PGGT1B: variants seen among roughly 807,000 people sequenced by gnomAD.
PGGT1B encodes geranylgeranyl transferase type-1 subunit beta.
PGGT1B carries 30 observed loss-of-function variants against 46.1 expected under a neutral mutation model. That is an observed-to-expected ratio of 0.65 (90% CI 0.49 to 0.88). The LOEUF (loss-of-function observed/expected upper bound fraction) is 0.88. Among genes scored for constraint, PGGT1B ranks in the 40% least tolerant of loss-of-function variants. PGGT1B has a pLI of 0.00. For synonymous variants in PGGT1B, 170 were observed against 160.0 expected, an observed-to-expected ratio of 1.06 and a Z score of -0.47; for missense variants, 376 against 455.9, an observed-to-expected ratio of 0.82 and a Z score of 1.60.
chr5:115,212,324 A>G lies in PGGT1B; in HGVS notation c.*78T>C. 1.3e-6 allele frequency: 2 copies of G among 1,590,142 alleles called. No homozygotes were observed. On this transcript the variant is annotated 3_prime_UTR_variant, in exon 9 of 9. Coordinates refer to ENST00000419445, the MANE Select transcript of PGGT1B (RefSeq NM_005023.4). The stretch of plus-strand genomic sequence containing the variant: ...AGACTCTACCTTTTAAAAAAAGAGC[A>G]CACTTGGTTATACATGGCTTTTAAA...
intron 7 of PGGT1B, among the ~76,000 whole-genome samples, chr5:115,218,315 G>C (rs150185106): frequency 6.6e-6 from 1 of 150,440 alleles, no homozygotes; most frequent in Non-Finnish European, 1.5e-5. Context: ...GACTACTGAC[G>C]TCAAATAAAA....
chr5:115,252,514 T>A (rs1169583282), intron 2 of PGGT1B, among the ~76,000 whole-genome samples: 1 of 152,014 alleles, frequency 6.6e-6, no homozygotes, highest in African/African-American at 2.4e-5. Context: ...TTATAACATG[T>A]ATAAGTTATA....
At chr5:115,245,399 G>A (rs1747789883) in intron 2 of PGGT1B, among the ~76,000 whole-genome samples, 1 of 152,182 alleles carries the variant, frequency 6.6e-6, no homozygotes, top group Admixed American at 6.5e-5. Context: ...TATAAGGTTA[G>A]GAGATTATGG....
chr5:115,232,487 A>G (rs1238236283), intron 5 of PGGT1B, among the ~76,000 whole-genome samples: 1 of 152,102 alleles, frequency 6.6e-6, no homozygotes, highest in East Asian at 1.9e-4. Flanking sequence ...AATATTCACA[A>G]TATTTCTAAT....
At chr5:115,251,780 T>G (rs751681799) in intron 2 of PGGT1B, among the ~76,000 whole-genome samples, 56 of 152,122 alleles carry the variant, frequency 3.7e-4, no homozygotes, top group Non-Finnish European at 4.3e-4. Flanking sequence ...TGATTTCCTA[T>G]CTGTACCATG....
chr5:115,230,922 T>A lies in PGGT1B; in HGVS notation c.658+54A>T, dbSNP rs1756958557. On this transcript the variant is annotated intron_variant, in intron 6 of 8. Coordinates refer to ENST00000419445, the MANE Select transcript of PGGT1B (RefSeq NM_005023.4). The stretch of plus-strand genomic sequence containing the variant: ...GTTCTCCATACTGAAGACACCAAGA[T>A]GTTGTCTAAGGGAACAAAAGAAACT... 3 of 1,060,972 alleles carry A rather than the reference T, an allele frequency of 2.8e-6. No individual in the cohort carries two copies. In the Admixed American group the frequency reaches 5.8e-5, roughly 20 times the overall value. The allele number at this position is 1,060,972 out of a possible 1,614,324, so 65.7% of individuals were successfully genotyped here.
At chr5:115,216,403 G>C (rs1343171387) in intron 8 of PGGT1B, among the ~76,000 whole-genome samples, 1 of 152,190 alleles carries the variant, frequency 6.6e-6, no homozygotes, top group Non-Finnish European at 1.5e-5. Flanking sequence ...ACCTCCCAAA[G>C]TGTTGGGGTT....
chr5:115,243,784 T>G (rs1210251670), intron 2 of PGGT1B, among the ~76,000 whole-genome samples: 2 of 152,136 alleles, frequency 1.3e-5, no homozygotes, highest in African/African-American at 4.8e-5. Flanking sequence ...TCCTTGCAGT[T>G]GTGTGACTGA....
intron 2 of PGGT1B, among the ~76,000 whole-genome samples, chr5:115,247,939 AT>A (rs1418309906): frequency 1.3e-5 from 2 of 152,196 alleles, no homozygotes; most frequent in African/African-American, 4.8e-5. Flanking sequence ...TTTTGTCAAA[AT>A]GTCTTGATCT....
chr5:115,259,554 T>C (rs182307538), intron 1 of PGGT1B, among the ~76,000 whole-genome samples: 1 of 151,848 alleles, frequency 6.6e-6, no homozygotes, highest in African/African-American at 2.4e-5. Flanking sequence ...CTGAGCGTGG[T>C]GGCACACACC....
rs771351559 is a variant in PGGT1B at position 115,212,430 on chromosome 5, C to A, written c.1106G>T (p.Cys369Phe). 1.9e-6 allele frequency: 3 copies of A among 1,574,926 alleles called. No individual in the cohort carries two copies. The highest frequency in any genetic ancestry group is 2.2e-5 in the South Asian group (2 of 90,754). Reference sequence around the variant, plus strand: ...TGTGGAGATATGTACATTCTCTGAGCATTGTTTAGAGTCCTTGGTTTTCCA... The same window carrying A: ...TGTGGAGATATGTACATTCTCTGAGAATTGTTTAGAGTCCTTGGTTTTCCA... ...QSWKTKDSKQ[C>F]SENVHIST Residue 369 changes from cysteine (C) to phenylalanine (F), a missense_variant, in exon 9 of 9, where the codon TGC becomes TTC. Transcript: ENST00000419445.
rs1756110267 is a variant in PGGT1B at position 115,207,923 on chromosome 5, T to C, written c.*4479A>G. 2.0e-5 allele frequency: 3 copies of C among 152,222 alleles called. No homozygotes were observed. In the South Asian group the frequency reaches 6.2e-4, roughly 32 times the overall value. The allele number at this position is 152,222 out of a possible 1,614,324, so 9.4% of individuals were successfully genotyped here. On this transcript the variant is annotated 3_prime_UTR_variant, in exon 9 of 9. Coordinates refer to ENST00000419445, the MANE Select transcript of PGGT1B (RefSeq NM_005023.4). ...AGGTACAATGTTAATAGATTATTCA[T>C]CAATTTCTACTTAGTATAGTTAACA...
In PGGT1B at chr5:115,222,020, A is replaced by C; in HGVS notation, c.659-12T>G. ...AAAAGTTGATCCTCCTGTTAATCAA[A>C]ACCACACAACGTTTTAAACTTCAAA... On this transcript the variant is annotated splice_polypyrimidine_tract_variant and intron_variant, in intron 6 of 8. Transcript: ENST00000419445. 1 of 1,510,104 alleles carries C rather than the reference A, an allele frequency of 6.6e-7. No homozygotes were observed. The highest frequency in any genetic ancestry group is 1.3e-5 in the South Asian group (1 of 74,440). The allele number at this position is 1,510,104 out of a possible 1,614,324, so 93.5% of individuals were successfully genotyped here. A position where few individuals can be genotyped will look rare whatever the true frequency, so the allele number is the denominator to read the frequency against.
At chr5:115,223,326 GT>G (rs1407044988) in intron 6 of PGGT1B, among the ~76,000 whole-genome samples, 1 of 152,104 alleles carries the variant, frequency 6.6e-6, no homozygotes, top group Non-Finnish European at 1.5e-5. Flanking sequence ...CTTTGCAAAT[GT>G]GATTAAGTTA....
intron 5 of PGGT1B, chr5:115,231,894 T>C (rs1417816814): frequency 6.6e-6 from 1 of 152,058 alleles, no homozygotes; most frequent in Non-Finnish European, 1.5e-5. Flanking sequence ...GGCTCTTCAC[T>C]CTGCAAATCA....
intron 7 of PGGT1B, among the ~76,000 whole-genome samples, chr5:115,218,783 A>G (rs1481069984): frequency 6.6e-6 from 1 of 151,920 alleles, no homozygotes; most frequent in East Asian, 1.9e-4. Flanking sequence ...TATTCCATAA[A>G]AAGTTGGTAG....
chr5:115,226,443 T>TGA (rs1756785703), intron 6 of PGGT1B, among the ~76,000 whole-genome samples: 1 of 152,072 alleles, frequency 6.6e-6, no homozygotes. Flanking sequence ...TCACTACATT[T>TGA]GATGATCACA....
intron 1 of PGGT1B, among the ~76,000 whole-genome samples, chr5:115,257,573 C>A: frequency 6.7e-6 from 1 of 148,622 alleles, no homozygotes. Flanking sequence ...AGTCTATAGT[C>A]TGGACAGTGG....
chr5:115,228,960 G>A (rs1267571468), intron 6 of PGGT1B, among the ~76,000 whole-genome samples: 3 of 152,078 alleles, frequency 2.0e-5, no homozygotes, highest in African/African-American at 7.2e-5. Context: ...GAAGAAAGGT[G>A]AATAGTACAT....
Sources: gnomAD v4.1 joint callset for allele counts (sites outside exome capture counted in the v4.1 genomes callset) on GRCh38, gnomAD v4.1.1 for gene constraint, MANE v1.5 for transcripts, NCBI Gene and HGNC (gene_info 2026-07-23, HGNC 2026-07-21) for gene names.